Variants in PCDH15 observed in about 807,000 individuals in gnomAD.
The protein encoded by PCDH15 is protocadherin related 15.
Under a neutral mutation model 178.5 loss-of-function variants are expected in PCDH15, and 129 were observed. The ratio of observed to expected loss-of-function variants is 0.72; its 90% confidence interval spans 0.63 to 0.84. The LOEUF (loss-of-function observed/expected upper bound fraction) is 0.84, where lower values mean the gene tolerates loss of function less well. Ranked by LOEUF, PCDH15 falls within the 40% of genes least tolerant of loss-of-function variation. PCDH15 has a pLI of 0.00. For missense variants in PCDH15, 2,230 were observed against 2,099.9 expected (o/e 1.06, Z -1.21); for synonymous variants, 800 against 732.0 (o/e 1.09, Z -1.50).
At chr10:55,421,537 T>A (rs1054305106) in intron 2 of PCDH15, among the ~76,000 whole-genome samples, 5 of 150,172 alleles carry the variant, frequency 3.3e-5, no homozygotes, top group Admixed American at 2.7e-4. Context: ...TATCTTCTAC[T>A]AATAACATAT....
chr10:55,322,810 G>GGA (rs1388270584), upstream of PCDH15, among the ~76,000 whole-genome samples: 1 of 151,106 alleles, frequency 6.6e-6, no homozygotes, highest in Non-Finnish European at 1.5e-5. Flanking sequence ...AAAATGGGGG[G>GGA]GGAGAAATTC....
At chr10:55,069,054 T>G (rs899889829) in intron 2 of PCDH15, among the ~76,000 whole-genome samples, 26 of 122,700 alleles carry the variant, frequency 2.1e-4, no homozygotes, top group African/African-American at 6.6e-4. Flanking sequence ...TGTTCCACCA[T>G]GTCCAGCTAT....
At chr10:54,524,256 T>C (rs180982371) in intron 3 of PCDH15, among the ~76,000 whole-genome samples, 107 of 152,320 alleles carry the variant, frequency 7.0e-4, no homozygotes, top group Admixed American at 6.8e-3. Flanking sequence ...ATTTTAAACT[T>C]TAAATTCATG....
intron 2 of PCDH15, among the ~76,000 whole-genome samples, chr10:54,911,838 T>A (rs1954823879): frequency 6.6e-6 from 1 of 152,296 alleles, no homozygotes; most frequent in Non-Finnish European, 1.5e-5. Context: ...CCTTCTGTCA[T>A]GATTATAAGT....
intron 1 of PCDH15, among the ~76,000 whole-genome samples, chr10:54,731,553 T>TATATATATATATATATATATATATAG (rs1566067279): frequency 7.4e-5 from 3 of 40,296 alleles, no homozygotes; most frequent in Admixed American, 2.3e-4. Flanking sequence ...TAGATATATA[T>TATATATATATATATATATATATATAG]ATATATATAT....
At chr10:54,655,289 AGAGAGAGAGAG>A (rs1565866187) in intron 2 of PCDH15, among the ~76,000 whole-genome samples, 8 of 127,980 alleles carry the variant, frequency 6.3e-5, no homozygotes, top group African/African-American at 2.3e-4. Flanking sequence ...AGAGAGAGAG[AGAGAGAGAGAG>A]AGACAGAGAG....
At chr10:55,406,616 G>T (rs899038036) in intron 2 of PCDH15, among the ~76,000 whole-genome samples, 4 of 152,096 alleles carry the variant, frequency 2.6e-5, no homozygotes, top group East Asian at 3.9e-4. Flanking sequence ...TGCTACCAGG[G>T]CAATGTTAAA....
chr10:54,578,044 C>A (rs2090681977), intron 2 of PCDH15, among the ~76,000 whole-genome samples: 1 of 152,052 alleles, frequency 6.6e-6, no homozygotes, highest in Non-Finnish European at 1.5e-5. Flanking sequence ...GATTTATATA[C>A]ATTTGGAAAG....
intron 3 of PCDH15, among the ~76,000 whole-genome samples, chr10:54,511,102 A>G (rs1320193200): frequency 6.6e-6 from 1 of 152,176 alleles, no homozygotes; most frequent in Non-Finnish European, 1.5e-5. Flanking sequence ...AAAATGGAAT[A>G]CATTGATGTC....
At chr10:53,840,217 A>G (rs1259506619) in intron 29 of PCDH15, 103 bp downstream of exon 29, 2 of 1,347,254 alleles carry the variant, frequency 1.5e-6, no homozygotes, top group Non-Finnish European at 2.1e-6. Context: ...TTCAGTAACT[A>G]TTTGGTGGGT....
At chr10:54,579,884 A>G (rs1119171) in intron 2 of PCDH15, among the ~76,000 whole-genome samples, 149,339 of 152,120 alleles carry the variant, frequency 0.98, 73,359 homozygotes, top group African/African-American at 1. Flanking sequence ...AAGGACTTTC[A>G]GATAAACAAC....
At chr10:54,813,604 C>A (rs974295161) in intron 3 of PCDH15, among the ~76,000 whole-genome samples, 1 of 152,082 alleles carries the variant, frequency 6.6e-6, no homozygotes, top group Non-Finnish European at 1.5e-5. Context: ...GTTAATCATA[C>A]CTCATAAACA....
intron 1 of PCDH15, among the ~76,000 whole-genome samples, chr10:55,238,149 T>C (rs868105344): frequency 1.8e-4 from 27 of 146,472 alleles, no homozygotes; most frequent in South Asian, 2.2e-4. Context: ...TATTTTCTTT[T>C]TTTTTTTTTT....
At chr10:55,393,932 A>G (rs1335941831) in intron 2 of PCDH15, among the ~76,000 whole-genome samples, 3 of 152,150 alleles carry the variant, frequency 2.0e-5, no homozygotes, top group Admixed American at 1.3e-4. Context: ...CATGTTACAT[A>G]TATGTTTTCC....
intron 13 of PCDH15, among the ~76,000 whole-genome samples, chr10:54,180,851 ATCTT>A (rs1222925889): frequency 6.6e-6 from 1 of 152,200 alleles, no homozygotes; most frequent in Non-Finnish European, 1.5e-5. Flanking sequence ...ACAACAGTCT[ATCTT>A]CATAATCTGC....
chr10:54,709,629 A>AT (rs1414000212), intron 1 of PCDH15, among the ~76,000 whole-genome samples: 5 of 113,742 alleles, frequency 4.4e-5, no homozygotes, highest in Admixed American at 9.0e-5. Context: ...TATATATATA[A>AT]AATCACTTTA....
At chr10:54,176,450 G>A (rs2133707512) in intron 13 of PCDH15, among the ~76,000 whole-genome samples, 1 of 152,198 alleles carries the variant, frequency 6.6e-6, no homozygotes, top group Non-Finnish European at 1.5e-5. Flanking sequence ...ATACAACTTG[G>A]ATCAAACCTT....
At chr10:54,746,948 T>C (rs1213133548) in intron 1 of PCDH15, among the ~76,000 whole-genome samples, 2 of 152,210 alleles carry the variant, frequency 1.3e-5, no homozygotes, top group Non-Finnish European at 2.9e-5. Flanking sequence ...CAGAGTATTA[T>C]AGGCATTTGT....
chr10:55,562,173 G>A (rs1842213092), intron 2 of PCDH15, among the ~76,000 whole-genome samples: 1 of 151,824 alleles, frequency 6.6e-6, no homozygotes, highest in Admixed American at 6.6e-5. Context: ...GTTCCAAGGG[G>A]ACATTATAAC....
Sources: allele counts gnomAD v4.1 joint callset (sites outside exome capture counted in the v4.1 genomes callset), GRCh38; gene constraint gnomAD v4.1.1; transcripts MANE v1.5; gene names NCBI Gene and HGNC (gene_info 2026-07-23, HGNC 2026-07-21).